Variants in RINL observed in about 807,000 individuals in gnomAD.
RINL encodes Ras and Rab interactor like, also known as ras and Rab interactor-like protein.
RINL carries 39 observed loss-of-function variants against 58.1 expected under a neutral mutation model. The ratio of observed to expected loss-of-function variants is 0.67; its 90% CI spans 0.52 to 0.88. RINL has a LOEUF of 0.88. Ranked by LOEUF, RINL falls within the 40% of genes least tolerant of loss-of-function variation. The probability of loss-of-function intolerance (pLI) is 0.00; values close to 1 mark genes in which losing one functional copy is unlikely to be tolerated. For missense variants in RINL, 711 were observed against 749.2 expected (o/e 0.95, Z 0.60); for synonymous variants, 286 against 323.1 (o/e 0.89, Z 1.23).
In RINL at chr19:38,869,539, G is replaced by A. The variant is rs753361870; in HGVS notation, c.1474+34C>T. ...TTTGGGATCCCGGAGGTACTGGATC[G>A]CTGGGCTCCAGCATTCTGGAGTTGG... On this transcript the variant is annotated intron_variant, in intron 10 of 11. Coordinates refer to ENST00000591812, the MANE Select transcript of RINL (RefSeq NM_001195833.2). The surrounding 1 kb of genome is among the most constrained non-coding windows in gnomAD (Gnocchi z 5.7). 72 of 1,609,982 alleles carry A rather than the reference G, an allele frequency of 4.5e-5. No homozygotes were observed. The highest frequency in any genetic ancestry group is 5.9e-5 in the Non-Finnish European group (70 of 1,177,686).
At chr19:38,875,059 C>T (rs973622241) in intron 3 of RINL, among the ~76,000 whole-genome samples, 11 of 151,234 alleles carry the variant, frequency 7.3e-5, no homozygotes, top group Admixed American at 2.6e-4. Flanking sequence ...CGCTTGAACC[C>T]GGGAGGCAGA....
chr19:38,876,626 G>T (rs1972931864), intron 2 of RINL, 67 bp downstream of exon 2: 4 of 1,463,020 alleles, frequency 2.7e-6, no homozygotes, highest in African/African-American at 1.4e-5. Context: ...AGTGAGGGAG[G>T]TATTGGATGG....
Position 38,870,465 on chromosome 19 carries a change from T to TC in RINL, c.1024+104_1024+105insG. On this transcript the variant is annotated intron_variant, in intron 8 of 11. Coordinates refer to ENST00000591812, the MANE Select transcript of RINL (RefSeq NM_001195833.2). This position sits in a 1 kb window ranked among gnomAD's most constrained non-coding sequence, Gnocchi z 5.8. Reference sequence around the variant, plus strand: ...CGTGGGCGATAGAACGCGTGGGATGTGTAGGAAGGGCGTGTGGGTGCAGAA... The same window carrying TC: ...CGTGGGCGATAGAACGCGTGGGATGTCGTAGGAAGGGCGTGTGGGTGCAGAA... 7.6e-7 allele frequency: 1 copy of TC among 1,318,610 alleles called. No homozygotes were observed. Among genetic ancestry groups the TC allele is most frequent in the Non-Finnish European group, 1.0e-6 (1 of 985,848 alleles). The allele number at this position is 1,318,610 out of a possible 1,614,324, so 81.7% of individuals were successfully genotyped here. A position where few individuals can be genotyped will look rare whatever the true frequency, so the allele number is the denominator to read the frequency against.
At position 38,870,796 on chromosome 19, in the gene RINL, C is replaced by T. The variant is rs1483799892; in HGVS notation, c.798G>A (p.Leu266=). 4 of 1,612,370 alleles carry T rather than the reference C, an allele frequency of 2.5e-6. No homozygotes were observed. The highest frequency in any genetic ancestry group is 2.5e-6 in the Non-Finnish European group (3 of 1,180,012). ...CCACGTAGCTGCTCCGGGCCCTGAC[C>T]AGAGACTGGACGTGAATGGTGAGCA... is the stretch of plus-strand genomic sequence containing the variant. The part of the protein sequence containing the change: ...EDVLTIHVQS[L]VRARSSYVAR... Residue 266 remains leucine, a synonymous_variant, in exon 8 of 12, where the codon CTG becomes CTA. Transcript: ENST00000591812. The surrounding 1 kb of genome is among the most constrained non-coding windows in gnomAD (Gnocchi z 5.8).
At position 38,870,045 on chromosome 19, in the gene RINL, G is replaced by C; in HGVS notation, c.1240C>G (p.Leu414Val). 6.5e-7 allele frequency: 1 copy of C among 1,547,028 alleles called. No individual in the cohort carries two copies. Among genetic ancestry groups the C allele is most frequent in the East Asian group, 2.5e-5 (1 of 39,784 alleles). The change falls in exon 9 of 12, where the codon CTT (leucine) becomes GTT (valine). Residue 414 changes from leucine (L) to valine (V), a missense_variant. Leu to Val is a conservative substitution (Grantham distance 32). Coordinates refer to ENST00000591812, the MANE Select transcript of RINL (RefSeq NM_001195833.2). This position sits in a 1 kb window ranked among gnomAD's most constrained non-coding sequence, Gnocchi z 5.8. ...GCGCAGGCAGCGTGGAGGTGCGCAAGGCGCTCGTGGATGCGGCTCCGCAAG... is the reference window on the plus strand; with the variant it reads ...GCGCAGGCAGCGTGGAGGTGCGCAACGCGCTCGTGGATGCGGCTCCGCAAG... ...PALRSRIHERLAHLHAACAPR... is the reference protein window; with the variant it reads ...PALRSRIHERVAHLHAACAPR...
At position 38,869,199 on chromosome 19, in the gene RINL, G is replaced by T. The variant is rs766586117; in HGVS notation, c.1639-33C>A. The T allele has an allele frequency of 1.2e-5, 20 of 1,614,136 alleles. No individual in the cohort carries two copies. The highest frequency in any genetic ancestry group is 4.2e-6 in the Non-Finnish European group (5 of 1,179,986). On this transcript the variant is annotated intron_variant, in intron 11 of 11. Coordinates refer to ENST00000591812, the MANE Select transcript of RINL (RefSeq NM_001195833.2). The surrounding 1 kb of genome is among the most constrained non-coding windows in gnomAD (Gnocchi z 5.7). ...GAGAGGTGGGAGCTGGGTCAGAAGG[G>T]CACCAGGTCTCACCCTCCCTTCTAC...
chr19:38,875,201 T>C (rs1972895287), intron 3 of RINL, among the ~76,000 whole-genome samples: 2 of 149,218 alleles, frequency 1.3e-5, no homozygotes, highest in Non-Finnish European at 3.0e-5. Flanking sequence ...CCATCCTTTT[T>C]TTTTTCTTTT....
chr19:38,875,059 C>CGGGAGG (rs1972891269), intron 3 of RINL, among the ~76,000 whole-genome samples: 1 of 151,240 alleles, frequency 6.6e-6, no homozygotes, highest in Non-Finnish European at 1.5e-5. Context: ...CGCTTGAACC[C>CGGGAGG]GGGAGGCAGA....
In RINL at chr19:38,869,295, C is replaced by G. The variant is rs1374284241; in HGVS notation, c.1590G>C (p.Gln530His). ...TGTGCAGCGTCCGCCTGCGGTGCCA[C>G]TGGTGCAGGGAGGCGCGGGCCTCGG... is the stretch of plus-strand genomic sequence containing the variant. Reference protein sequence around the residue: ...LSSEARASLHQWHRRRTLHRK... With the variant: ...LSSEARASLHHWHRRRTLHRK... The change falls in exon 11 of 12, where the codon CAG (glutamine) becomes CAC (histidine). Residue 530 changes from glutamine to histidine, a missense_variant. Coordinates refer to ENST00000591812, the MANE Select transcript of RINL (RefSeq NM_001195833.2). This position sits in a 1 kb window ranked among gnomAD's most constrained non-coding sequence, Gnocchi z 5.7. 6.2e-7 allele frequency: 1 copy of G among 1,614,128 alleles called. No individual in the cohort carries two copies. Among genetic ancestry groups the G allele is most frequent in the African/African-American group, 1.3e-5 (1 of 75,062 alleles).
In RINL at chr19:38,871,168, T is replaced by C. The variant is rs1245868500; in HGVS notation, c.511A>G (p.Asn171Asp). 6.2e-7 allele frequency: 1 copy of C among 1,613,890 alleles called. No homozygotes were observed. Among genetic ancestry groups the C allele is most frequent in the East Asian group, 2.2e-5 (1 of 44,880 alleles). ...CTGTGGGTCTCCAGGTAGAGCTGGTTCACAATGGAAAGCACCTTCCCTGGG... is the reference window on the plus strand; with the variant it reads ...CTGTGGGTCTCCAGGTAGAGCTGGTCCACAATGGAAAGCACCTTCCCTGGG... ...DTPGKVLSIV[N>D]QLYLETHRGW... The change falls in exon 7 of 12, where the codon AAC becomes GAC. Residue 171 changes from asparagine to aspartate, a missense_variant. Transcript: ENST00000591812.
Position 38,876,394 on chromosome 19 carries a change from C to T in RINL, c.147G>A (p.Val49=), listed in dbSNP as rs1972926090. 1 of 1,536,156 alleles carries T rather than the reference C, an allele frequency of 6.5e-7. No individual in the cohort carries two copies. Among genetic ancestry groups the T allele is most frequent in the Non-Finnish European group, 8.7e-7 (1 of 1,146,916 alleles). The change falls in exon 3 of 12, where the codon GTG becomes GTA. Residue 49 remains valine, a synonymous_variant. Coordinates refer to ENST00000591812, the MANE Select transcript of RINL (RefSeq NM_001195833.2). ...GGGTATCCAGCTCTGGCACATGCCA[C>T]ACCCCCCATGTCCTCTGCAGGCGAG... ...PLTRLQRTWG[V]WHVPELDTQD... is the part of the protein sequence containing the mutation.
At chr19:38,875,168 T>G (rs1387298670) in intron 3 of RINL, among the ~76,000 whole-genome samples, 1 of 150,546 alleles carries the variant, frequency 6.6e-6, no homozygotes, top group Admixed American at 6.6e-5. Context: ...AATAAAAAAA[T>G]TAAAAATATT....
intron 4 of RINL, 39 bp from the exon 5 acceptor site, chr19:38,871,909 G>A (rs1423937086): frequency 6.5e-7 from 1 of 1,527,126 alleles, no homozygotes; most frequent in Admixed American, 1.7e-5. Flanking sequence ...GTAAACTTGA[G>A]TGGTGGCAGT....
chr19:38,873,038 G>A lies in RINL; in HGVS notation c.313+848C>T, dbSNP rs189361014. On this transcript the variant is annotated intron_variant, in intron 4 of 11. Coordinates refer to ENST00000591812, the MANE Select transcript of RINL (RefSeq NM_001195833.2). ...AGTTGAGATTGGGCCACTGCACTCC[G>A]CCTGAGCGACAGAGTGAGACTCTGT... Among the ~76,000 whole-genome samples, 146 of 152,054 alleles carry A rather than the reference G, an allele frequency of 9.6e-4. 2 individuals are homozygous for A. The highest frequency in any genetic ancestry group is 8.4e-3 in the Admixed American group (128 of 15,242).
At position 38,870,406 on chromosome 19, in the gene RINL, G is replaced by T; in HGVS notation, c.1025-146C>A. 9.7e-7 allele frequency: 1 copy of T among 1,032,716 alleles called. No individual in the cohort carries two copies. Among genetic ancestry groups the T allele is most frequent in the Non-Finnish European group, 1.4e-6 (1 of 736,298 alleles). The allele number at this position is 1,032,716 out of a possible 1,614,324, so 64.0% of individuals were successfully genotyped here. A position where few individuals can be genotyped will look rare whatever the true frequency, so the allele number is the denominator to read the frequency against. On this transcript the variant is annotated intron_variant, in intron 8 of 11. Coordinates refer to ENST00000591812, the MANE Select transcript of RINL (RefSeq NM_001195833.2). This position sits in a 1 kb window ranked among gnomAD's most constrained non-coding sequence, Gnocchi z 5.8. ...GTAGACATGGTTGTGAACATGTGTG[G>T]AAGAGTTAGCCTGGGTGTGAACTTG...
In RINL at chr19:38,869,914, A is replaced by G. The variant is rs1438603892; in HGVS notation, c.1342+29T>C. The G allele has an allele frequency of 1.3e-6, 2 of 1,571,652 alleles. No individual in the cohort carries two copies. Among genetic ancestry groups the G allele is most frequent in the Non-Finnish European group, 1.7e-6 (2 of 1,161,204 alleles). ...GGCTCCAACTCTCAAGGCTCTCCCC[A>G]CCACGCTAGACGTTGACCCCTCCCT... On this transcript the variant is annotated intron_variant, in intron 9 of 11. Transcript: ENST00000591812. The surrounding 1 kb of genome is among the most constrained non-coding windows in gnomAD (Gnocchi z 5.7).
At position 38,870,605 on chromosome 19, in the gene RINL, CT is replaced by C; in HGVS notation, c.988del (p.Arg330GlyfsTer28). ...GTCCTTCTTGGGGAGCCCAGGACCCCTGCTTCCAAAGACAGCCCTGATGTAG... is the reference window on the plus strand; with the variant it reads ...GTCCTTCTTGGGGAGCCCAGGACCCCGCTTCCAAAGACAGCCCTGATGTAG... ...DSYIRAVFGS[R>X]GPGLPKKDED... On this transcript the variant is annotated frameshift_variant, in exon 8 of 12. Transcript: ENST00000591812. LOFTEE classifies it high-confidence loss of function. The surrounding 1 kb of genome is among the most constrained non-coding windows in gnomAD (Gnocchi z 5.8). 6.2e-7 allele frequency: 1 copy of C among 1,602,202 alleles called. No homozygotes were observed. Among genetic ancestry groups the C allele is most frequent in the Non-Finnish European group, 8.5e-7 (1 of 1,173,626 alleles).
At chr19:38,871,414 C>A in intron 6 of RINL, 187 bp from the exon 7 acceptor site, 1 of 706,884 alleles carries the variant, frequency 1.4e-6, no homozygotes. Flanking sequence ...CCCAGGCGTC[C>A]GGGACCCCCA....
At position 38,869,615 on chromosome 19, in the gene RINL, ACT is replaced by A; in HGVS notation, c.1430_1431del (p.Glu477ValfsTer10). ...PDIGDTQLDV[E>X]FLMELLDPDE... ...TCTGGATCTAAGAGCTCCATAAGAA[ACT>A]CTACGTCCAGCTGCGTGTCCCCAAT... On this transcript the variant is annotated frameshift_variant, in exon 10 of 12. Coordinates refer to ENST00000591812, the MANE Select transcript of RINL (RefSeq NM_001195833.2). LOFTEE classifies it high-confidence loss of function. This position sits in a 1 kb window ranked among gnomAD's most constrained non-coding sequence, Gnocchi z 5.7. The A allele has an allele frequency of 6.2e-7, 1 of 1,613,218 alleles. No homozygotes were observed.
Sources: allele counts gnomAD v4.1 joint callset (sites outside exome capture counted in the v4.1 genomes callset), GRCh38; gene constraint gnomAD v4.1.1; non-coding constraint Gnocchi (gnomAD v3.1); transcripts MANE v1.5; gene names NCBI Gene and HGNC (gene_info 2026-07-23, HGNC 2026-07-21).